Variants in TNRC6A observed in about 807,000 individuals in gnomAD.
TNRC6A encodes the protein trinucleotide repeat-containing gene 6A protein.
In TNRC6A, 44 loss-of-function variants were observed where a neutral mutation model predicts 221.2. That is an observed-to-expected ratio of 0.20 (90% confidence interval 0.16 to 0.26). The LOEUF is 0.26. TNRC6A is among the 10% of genes least tolerant of loss of function. The probability of loss-of-function intolerance (pLI) is 1.00; values close to 1 mark genes in which losing one functional copy is unlikely to be tolerated. For missense variants in TNRC6A, 2,199 were observed against 2,404.4 expected (o/e 0.91, Z 1.79); for synonymous variants, 847 against 838.5 (o/e 1.01, Z -0.18).
At chr16:24,707,282 C>T (rs925653229) in intron 2 of TNRC6A, among the ~76,000 whole-genome samples, 8 of 151,958 alleles carry the variant, frequency 5.3e-5, no homozygotes, top group Non-Finnish European at 2.9e-5. Context: ...AGGCATGTGC[C>T]ACCGCATCCA....
intron 1 of TNRC6A, among the ~76,000 whole-genome samples, chr16:24,613,572 GGCTGGAGT>G (rs1378422878): frequency 6.6e-6 from 1 of 150,652 alleles, no homozygotes; most frequent in African/African-American, 2.4e-5. Context: ...CTGTCGCCCA[GGCTGGAGT>G]GCAGTTGTTC....
intron 22 of TNRC6A, among the ~76,000 whole-genome samples, chr16:24,821,283 G>A (rs966554940): frequency 5.9e-5 from 9 of 152,184 alleles, no homozygotes; most frequent in African/African-American, 7.2e-5. Context: ...AGCGAGGGGC[G>A]CTAGTGAAAG....
intron 2 of TNRC6A, among the ~76,000 whole-genome samples, chr16:24,750,326 A>T (rs1392198091): frequency 6.6e-6 from 1 of 152,228 alleles, no homozygotes; most frequent in Non-Finnish European, 1.5e-5. Context: ...AACCTAGGTG[A>T]GAGAGGATTG....
intron 2 of TNRC6A, among the ~76,000 whole-genome samples, chr16:24,688,124 AGAG>A (rs1364295767): frequency 6.7e-6 from 1 of 149,120 alleles, no homozygotes; most frequent in Admixed American, 6.7e-5. Context: ...TATTTTTAGT[AGAG>A]ACGGGGTTTT....
At position 24,643,093 on chromosome 16, in the gene TNRC6A, T is replaced by A. The variant is rs9941258; in HGVS notation, n.402+2084T>A. Among the ~76,000 whole-genome samples the A allele has an allele frequency of 1.0e-3, 113 of 110,794 alleles. 1 individual carries two copies. The highest frequency in any genetic ancestry group is 3.2e-3 in the African/African-American group (94 of 29,322). 72.7% of individuals were successfully genotyped at this position (110,794 alleles called of 152,430 possible). ...TTATATATATATTATATATATATAT[T>A]TTATATATATATATAAAATATATAT... On this transcript the variant is annotated intron_variant and non_coding_transcript_variant, in intron 2 of 2. Coordinates refer to the TNRC6A transcript ENST00000566108.
intron 2 of TNRC6A, among the ~76,000 whole-genome samples, chr16:24,677,147 C>A (rs1355765902): frequency 6.6e-6 from 1 of 151,420 alleles, no homozygotes; most frequent in East Asian, 1.9e-4. Context: ...ATTTCCTGTC[C>A]CGTTTCCTTT....
chr16:24,779,660 T>G (rs910773920), intron 5 of TNRC6A, among the ~76,000 whole-genome samples: 1 of 152,196 alleles, frequency 6.6e-6, no homozygotes, highest in Non-Finnish European at 1.5e-5. Context: ...CATGTTCATT[T>G]TACAGATTAG....
intron 2 of TNRC6A, among the ~76,000 whole-genome samples, chr16:24,722,475 G>A (rs945316731): frequency 1.1e-4 from 17 of 151,672 alleles, no homozygotes; most frequent in African/African-American, 2.4e-4. Context: ...TCACTCTGTC[G>A]CCCAGGCTGG....
At chr16:24,685,602 G>A (rs1213221338) in intron 2 of TNRC6A, among the ~76,000 whole-genome samples, 1 of 152,178 alleles carries the variant, frequency 6.6e-6, no homozygotes, top group African/African-American at 2.4e-5. Flanking sequence ...GCCTCCCAAA[G>A]TGCTGGGATT....
intron 2 of TNRC6A, among the ~76,000 whole-genome samples, chr16:24,674,124 ACGGTGGTGT>A (rs2055360178): frequency 6.6e-6 from 1 of 151,992 alleles, no homozygotes; most frequent in Non-Finnish European, 1.5e-5. Flanking sequence ...AGGCTGGAAT[ACGGTGGTGT>A]GATCATAGCT....
At chr16:24,690,738 C>G (rs1024696275) in intron 2 of TNRC6A, among the ~76,000 whole-genome samples, 2 of 151,904 alleles carry the variant, frequency 1.3e-5, no homozygotes, top group African/African-American at 4.8e-5. Context: ...AATCCAAATT[C>G]AAGCAACTAT....
intron 2 of TNRC6A, among the ~76,000 whole-genome samples, chr16:24,696,560 G>C (rs2055865236): frequency 6.6e-6 from 1 of 150,432 alleles, no homozygotes; most frequent in East Asian, 2.0e-4. Context: ...GTGAGACTCT[G>C]TGTCTACAAA....
intron 3 of TNRC6A, among the ~76,000 whole-genome samples, chr16:24,752,559 G>C (rs2057161517): frequency 6.6e-6 from 1 of 152,176 alleles, no homozygotes; most frequent in Admixed American, 6.5e-5. Flanking sequence ...GCCTCTGTCA[G>C]AGGCTGTTTA....
chr16:24,728,277 G>C (rs1029725866), upstream of TNRC6A, among the ~76,000 whole-genome samples: 4 of 152,002 alleles, frequency 2.6e-5, no homozygotes, highest in African/African-American at 7.2e-5. Context: ...ACGAAACCCC[G>C]TCATTACTAA....
At chr16:24,658,795 T>G (rs2054970338) in intron 2 of TNRC6A, among the ~76,000 whole-genome samples, 1 of 152,038 alleles carries the variant, frequency 6.6e-6, no homozygotes, top group African/African-American at 2.4e-5. Context: ...TATTTTTTTG[T>G]GTATTTTCTT....
intron 21 of TNRC6A, chr16:24,819,742 G>A: frequency 9.3e-6 from 2 of 214,102 alleles, no homozygotes; most frequent in South Asian, 7.3e-5. Context: ...CTCTTTTGCA[G>A]TCCTTTTTTC....
chr16:24,723,246 G>A (rs148956099), intron 2 of TNRC6A, among the ~76,000 whole-genome samples: 1 of 152,204 alleles, frequency 6.6e-6, no homozygotes, highest in East Asian at 1.9e-4. Flanking sequence ...CTCCGCAGAG[G>A]GTTTGGGGGA....
chr16:24,814,993 G>A (rs899385035), intron 18 of TNRC6A, among the ~76,000 whole-genome samples, 154 bp from the exon 19 acceptor site: 3 of 152,124 alleles, frequency 2.0e-5, no homozygotes, highest in African/African-American at 4.8e-5. Context: ...CTTCAAATGC[G>A]ATGTTAGAAT....
rs2056577830 is a variant in TNRC6A, at chr16:24,729,814, G to T, written c.-28G>T. 1 of 1,408,108 alleles carries T rather than the reference G, an allele frequency of 7.1e-7. No individual in the cohort carries two copies. 87.2% of individuals were successfully genotyped at this position (1,408,108 alleles called of 1,614,324 possible). ...GAGGCTCGCGAGCCTCCTTCGCCGC[G>T]CCCCACTTGCTCGTGCACTTTACAC... On this transcript the variant is annotated 5_prime_UTR_variant, in exon 1 of 25. Transcript: ENST00000395799.
Sources: allele counts gnomAD v4.1 joint callset (sites outside exome capture counted in the v4.1 genomes callset), GRCh38; gene constraint gnomAD v4.1.1; transcripts MANE v1.5; gene names NCBI Gene and HGNC (gene_info 2026-07-23, HGNC 2026-07-21).